Variants in PPP2R3A observed in about 807,000 individuals in gnomAD.
PPP2R3A encodes serine/threonine-protein phosphatase 2A regulatory subunit B'' subunit alpha.
In PPP2R3A, 80 loss-of-function variants were observed where a neutral mutation model predicts 106.9. The ratio of observed to expected loss-of-function variants is 0.75; its 90% CI spans 0.62 to 0.90. PPP2R3A has a LOEUF of 0.90. PPP2R3A is among the 40% of genes least tolerant of loss of function. The probability of loss-of-function intolerance (pLI) is 0.00; values close to 1 mark genes in which losing one functional copy is unlikely to be tolerated. For missense variants in PPP2R3A, 1,386 were observed against 1,350.4 expected, an observed-to-expected ratio of 1.03 and a Z score of -0.41; for synonymous variants, 483 against 468.3, an observed-to-expected ratio of 1.03 and a Z score of -0.41.
At chr3:135,995,402 C>A (rs952378254) in intron 1 of PPP2R3A, among the ~76,000 whole-genome samples, 1 of 146,630 alleles carries the variant, frequency 6.8e-6, no homozygotes, top group Non-Finnish European at 1.5e-5. Context: ...TCCTCTAGAA[C>A]TTTTTTTACT....
rs1411084633 is a variant in PPP2R3A at position 136,017,802 on chromosome 3, AT to A, written c.1996-9027del. ...TACAGGTCCTCACTTAGCTGAGCTG[AT>A]TTCCCAGCCTCACTGTGCTATGTTT... On this transcript the variant is annotated intron_variant, in intron 2 of 13. Transcript: ENST00000264977. 2.0e-5 allele frequency among the ~76,000 whole-genome samples: 3 copies of A among 152,148 alleles called. No homozygotes were observed. The East Asian group carries it at 5.8e-4, about 29-fold the overall frequency.
rs67116006 is a variant in PPP2R3A, at chr3:136,041,238, G to GTTTTTTTTT, written c.2366+279_2366+287dup. 3.1e-4 allele frequency among the ~76,000 whole-genome samples: 29 copies of GTTTTTTTTT among 92,860 alleles called. 2 individuals are homozygous for GTTTTTTTTT. Among genetic ancestry groups the GTTTTTTTTT allele is most frequent in the African/African-American group, 6.3e-4 (14 of 22,184 alleles). The allele number at this position is 92,860 out of a possible 152,430, so 60.9% of individuals were successfully genotyped here. A position where few individuals can be genotyped will look rare whatever the true frequency, so the allele number is the denominator to read the frequency against. On this transcript the variant is annotated intron_variant, in intron 4 of 13. Transcript: ENST00000264977. ...TTATTAGTTTTACTTGGTTTTTCTT[G>GTTTTTTTTT]TTTTTTTTTTTGTTTTTTTTTTTGT...
At chr3:136,069,334 T>C (rs1210569288) in intron 5 of PPP2R3A, among the ~76,000 whole-genome samples, 1 of 152,160 alleles carries the variant, frequency 6.6e-6, no homozygotes, top group Non-Finnish European at 1.5e-5. Context: ...CCCAGCACTT[T>C]GGGAGGCCTA....
intron 2 of PPP2R3A, chr3:136,023,116 G>A (rs1219226974): frequency 4.3e-6 from 7 of 1,613,528 alleles, no homozygotes; most frequent in Admixed American, 1.7e-5. Context: ...GATTTAAGGG[G>A]AGAGCTAGCT....
At chr3:136,141,110 T>C (rs1334980861) in intron 13 of PPP2R3A, among the ~76,000 whole-genome samples, 1 of 152,224 alleles carries the variant, frequency 6.6e-6, no homozygotes, top group Non-Finnish European at 1.5e-5. Context: ...ACGGACACTT[T>C]ACAATCAAGT....
At chr3:136,138,163 G>A (rs905927097) in intron 13 of PPP2R3A, among the ~76,000 whole-genome samples, 4 of 152,164 alleles carry the variant, frequency 2.6e-5, no homozygotes, top group Admixed American at 1.3e-4. Flanking sequence ...GAGCCTCTAC[G>A]TGGGCCTGAA....
At chr3:136,019,130 C>A (rs1295666894) in intron 2 of PPP2R3A, among the ~76,000 whole-genome samples, 1 of 152,226 alleles carries the variant, frequency 6.6e-6, no homozygotes, top group Non-Finnish European at 1.5e-5. Context: ...CATGAGTGAT[C>A]TGCAGGCCAA....
chr3:136,139,921 G>A (rs543389164), intron 13 of PPP2R3A, among the ~76,000 whole-genome samples: 7 of 150,054 alleles, frequency 4.7e-5, no homozygotes, highest in East Asian at 2.0e-4. Context: ...CAGGAGAATC[G>A]CTTGAACCCA....
At chr3:135,988,252 T>TA (rs1187748946) in intron 1 of PPP2R3A, among the ~76,000 whole-genome samples, 13,348 of 137,660 alleles carry the variant, frequency 0.097, 592 homozygotes, top group African/African-American at 0.11. Context: ...GTTCAAGGAT[T>TA]AAAAAAAAAA....
chr3:136,128,552 T>G (rs1198611533), intron 13 of PPP2R3A, among the ~76,000 whole-genome samples: 1 of 152,116 alleles, frequency 6.6e-6, no homozygotes, highest in Non-Finnish European at 1.5e-5. Context: ...AGACTTAGAC[T>G]CCCACACAAT....
chr3:136,089,897 G>A (rs1363470456), intron 9 of PPP2R3A, among the ~76,000 whole-genome samples: 2 of 151,884 alleles, frequency 1.3e-5, no homozygotes, highest in Non-Finnish European at 2.9e-5. Context: ...TTCTTGATTT[G>A]GCTTTCAGCT....
chr3:136,060,323 T>A (rs184018939), intron 5 of PPP2R3A, among the ~76,000 whole-genome samples: 1 of 152,320 alleles, frequency 6.6e-6, no homozygotes, highest in African/African-American at 2.4e-5. Context: ...GGTAAACTCA[T>A]AGAAGTAAAG....
At chr3:136,006,023 A>G (rs1176486759) in intron 2 of PPP2R3A, among the ~76,000 whole-genome samples, 1 of 152,176 alleles carries the variant, frequency 6.6e-6, no homozygotes, top group African/African-American at 2.4e-5. Flanking sequence ...TCTGAGCATC[A>G]CCTGTCCTGT....
intron 1 of PPP2R3A, among the ~76,000 whole-genome samples, chr3:135,977,255 C>A (rs961833702): frequency 6.6e-6 from 1 of 152,154 alleles, no homozygotes; most frequent in Non-Finnish European, 1.5e-5. Flanking sequence ...CTTGACTCTT[C>A]TGGCACATTT....
chr3:135,988,252 T>TAAA (rs1187748946), intron 1 of PPP2R3A, among the ~76,000 whole-genome samples: 1 of 137,890 alleles, frequency 7.3e-6, no homozygotes. Context: ...GTTCAAGGAT[T>TAAA]AAAAAAAAAA....
At chr3:136,121,428 G>C (rs1201564943) in intron 13 of PPP2R3A, among the ~76,000 whole-genome samples, 4 of 152,114 alleles carry the variant, frequency 2.6e-5, no homozygotes, top group Admixed American at 6.5e-5. Context: ...ACCAGGGCCT[G>C]CTTGAGGGTA....
At chr3:136,137,318 G>T (rs1334299672) in intron 13 of PPP2R3A, among the ~76,000 whole-genome samples, 4 of 151,922 alleles carry the variant, frequency 2.6e-5, no homozygotes, top group Admixed American at 2.0e-4. Context: ...ATGATCCAGG[G>T]ATAACCATTA....
intron 2 of PPP2R3A, among the ~76,000 whole-genome samples, chr3:136,014,436 T>C (rs1934202437): frequency 6.6e-6 from 1 of 152,190 alleles, no homozygotes; most frequent in Non-Finnish European, 1.5e-5. Context: ...ATATTGATCC[T>C]ACCCACCCAT....
At chr3:136,079,405 A>AT (rs1399437703) in intron 7 of PPP2R3A, 3 of 181,658 alleles carry the variant, frequency 1.7e-5, no homozygotes, top group South Asian at 9.6e-5. Flanking sequence ...TATAATCCAT[A>AT]ATTTTTTTTT....
Sources: allele counts gnomAD v4.1 joint callset (sites outside exome capture counted in the v4.1 genomes callset), GRCh38; gene constraint gnomAD v4.1.1; transcripts MANE v1.5; gene names NCBI Gene and HGNC (gene_info 2026-07-23, HGNC 2026-07-21).